Variants in ASCC3 observed in about 807,000 individuals in gnomAD.
ASCC3 encodes the protein ASC-1 complex subunit P200.
Under a neutral mutation model 256.3 loss-of-function variants are expected in ASCC3, and 158 were observed. The ratio of observed to expected loss-of-function variants is 0.62; its 90% CI spans 0.54 to 0.70. ASCC3 has a LOEUF of 0.70. ASCC3 is among the 30% of genes least tolerant of loss of function. The probability of loss-of-function intolerance (pLI) is 0.00; values close to 1 mark genes in which losing one functional copy is unlikely to be tolerated. For synonymous variants in ASCC3, 948 were observed against 883.4 expected (o/e 1.07, Z -1.30); for missense variants, 2,259 against 2,626.0 (o/e 0.86, Z 3.05).
chr6:100,535,310 CAG>C (rs920898622), intron 37 of ASCC3, among the ~76,000 whole-genome samples: 4 of 152,132 alleles, frequency 2.6e-5, no homozygotes, highest in African/African-American at 9.7e-5. Flanking sequence ...ATGAAAACAA[CAG>C]GGCACAGAAT....
intron 35 of ASCC3, 72 bp downstream of exon 35, chr6:100,589,876 G>C (rs1582511564): frequency 2.5e-6 from 4 of 1,590,988 alleles, no homozygotes; most frequent in Non-Finnish European, 2.6e-6. Flanking sequence ...AATTTTGATA[G>C]TATTAAAAGC....
chr6:100,795,968 T>C (rs1769591492), intron 8 of ASCC3, among the ~76,000 whole-genome samples: 1 of 152,194 alleles, frequency 6.6e-6, no homozygotes, highest in South Asian at 2.1e-4. Flanking sequence ...AAGCTTATGA[T>C]GTCTGGCAGG....
At chr6:100,787,820 T>TA in intron 8 of ASCC3, among the ~76,000 whole-genome samples, 1 of 152,160 alleles carries the variant, frequency 6.6e-6, no homozygotes, top group East Asian at 1.9e-4. Context: ...TCACCATATA[T>TA]AAAAACCAAT....
intron 16 of ASCC3, among the ~76,000 whole-genome samples, chr6:100,657,247 C>A (rs240122): frequency 6.6e-6 from 1 of 151,200 alleles, no homozygotes; most frequent in Non-Finnish European, 1.5e-5. Flanking sequence ...ATATTACAAA[C>A]GGCTAAGCCA....
In ASCC3 at chr6:100,767,165, T is replaced by C; in HGVS notation, c.1576A>G (p.Ile526Val). Residue 526 changes from isoleucine (I) to valine (V), a missense_variant, in exon 9 of 42, where the codon ATC (isoleucine) becomes GTC (valine). By Grantham distance (29) the Ile-to-Val change is conservative. This residue lies in a region of ASCC3 where 1,839 missense variants were observed against 2,206.7 expected (regional missense o/e 0.83). Transcript: ENST00000369162. ...EIRQHFQQGV[I>V]KKNEFKIVYV... Reference sequence around the variant, plus strand: ...CTTACCTTAAATTCATTCTTTTTGATAACACCTTGTTGAAAATGTTGGCGA... The same window carrying C: ...CTTACCTTAAATTCATTCTTTTTGACAACACCTTGTTGAAAATGTTGGCGA... The C allele has an allele frequency of 6.2e-7, 1 of 1,614,150 alleles. No homozygotes were observed.
At chr6:100,593,625 A>T (rs557027017) in intron 34 of ASCC3, among the ~76,000 whole-genome samples, 2 of 152,248 alleles carry the variant, frequency 1.3e-5, no homozygotes, top group South Asian at 4.1e-4. Flanking sequence ...CTGTTCAGAT[A>T]TCTTGCTGGG....
At chr6:100,805,083 A>G (rs1006446704) in intron 5 of ASCC3, among the ~76,000 whole-genome samples, 1 of 152,060 alleles carries the variant, frequency 6.6e-6, no homozygotes, top group African/African-American at 2.4e-5. Flanking sequence ...AAAAAGAAGA[A>G]ATTGTTCTGT....
chr6:100,805,723 T>G (rs1380784951), intron 5 of ASCC3, 37 bp downstream of exon 5: 1 of 1,601,352 alleles, frequency 6.2e-7, no homozygotes, highest in Non-Finnish European at 8.5e-7. Context: ...AATGAATATT[T>G]CCTTTAAATT....
Position 100,509,254 on chromosome 6 carries a change from C to T in ASCC3, c.*132G>A, listed in dbSNP as rs1773637685. The T allele has an allele frequency of 8.1e-7, 1 of 1,234,166 alleles. No individual in the cohort carries two copies. Among genetic ancestry groups the T allele is most frequent in the African/African-American group, 1.5e-5 (1 of 67,480 alleles). The allele number at this position is 1,234,166 out of a possible 1,614,324, so 76.5% of individuals were successfully genotyped here. ...GTCACTGGAGTCAATACTGCAGCCACTGTCAATTTCCTGGATGGTTGAGGT... is the reference window on the plus strand; with the variant it reads ...GTCACTGGAGTCAATACTGCAGCCATTGTCAATTTCCTGGATGGTTGAGGT... On this transcript the variant is annotated 3_prime_UTR_variant, in exon 42 of 42. Coordinates refer to ENST00000369162, the MANE Select transcript of ASCC3 (RefSeq NM_006828.4).
intron 25 of ASCC3, among the ~76,000 whole-genome samples, chr6:100,632,240 A>C (rs1449073816): frequency 6.6e-6 from 1 of 151,596 alleles, no homozygotes; most frequent in Non-Finnish European, 1.5e-5. Flanking sequence ...AGAAAGAATA[A>C]AGTACTTAGG....
intron 37 of ASCC3, among the ~76,000 whole-genome samples, chr6:100,523,429 TA>T (rs1424161807): frequency 2.0e-4 from 30 of 152,274 alleles, no homozygotes; most frequent in Non-Finnish European, 3.2e-4. Flanking sequence ...GGAAATAAGC[TA>T]TACAGAGAAA....
intron 37 of ASCC3, chr6:100,530,872 T>C (rs755578702): frequency 3.7e-5 from 48 of 1,289,214 alleles, no homozygotes; most frequent in Non-Finnish European, 5.2e-5. Flanking sequence ...TGGAATAAAT[T>C]TTTGTGGAAC....
chr6:100,840,220 C>A (rs1423303859), intron 4 of ASCC3, among the ~76,000 whole-genome samples: 1 of 152,242 alleles, frequency 6.6e-6, no homozygotes, highest in Middle Eastern at 3.4e-3. Context: ...ACATCTGATC[C>A]AAATAACTCT....
chr6:100,679,629 C>A lies in ASCC3; in HGVS notation c.2275G>T (p.Ala759Ser). 1 of 1,613,376 alleles carries A rather than the reference C, an allele frequency of 6.2e-7. No individual in the cohort carries two copies. The highest frequency in any genetic ancestry group is 1.1e-5 in the South Asian group (1 of 91,070). Reference protein sequence around the residue: ...FPTQGHDYVLAEKQVQRSRNK... With the variant: ...FPTQGHDYVLSEKQVQRSRNK... ...TCTTTGTTTCTTACCTGTTTTTCTG[C>A]AAGTACATAGTCATGTCCTTGGGTA... Residue 759 changes from alanine (A) to serine (S), a missense_variant, in exon 14 of 42, where the codon GCA becomes TCA. Transcript: ENST00000369162.
chr6:100,630,173 GCCA>G (rs771239238), intron 26 of ASCC3, among the ~76,000 whole-genome samples: 4 of 152,052 alleles, frequency 2.6e-5, no homozygotes, highest in Non-Finnish European at 5.9e-5. Context: ...ACAGGCATGA[GCCA>G]CCACGCCCAG....
chr6:100,867,240 A>G (rs1773524093), intron 2 of ASCC3, among the ~76,000 whole-genome samples: 1 of 152,184 alleles, frequency 6.6e-6, no homozygotes, highest in Admixed American at 6.5e-5. Flanking sequence ...AGCATTATTT[A>G]TTATAATATT....
intron 37 of ASCC3, among the ~76,000 whole-genome samples, chr6:100,523,070 T>G (rs1261356751): frequency 1.3e-5 from 2 of 150,302 alleles, no homozygotes; most frequent in Non-Finnish European, 3.0e-5. Flanking sequence ...TAAGTTTGGA[T>G]GAAGTATAAT....
chr6:100,656,999 TG>T (rs1775944966), intron 16 of ASCC3, among the ~76,000 whole-genome samples: 1 of 151,328 alleles, frequency 6.6e-6, no homozygotes, highest in South Asian at 2.1e-4. Context: ...AAAACCTTCA[TG>T]TTTAACTCCT....
intron 19 of ASCC3, among the ~76,000 whole-genome samples, chr6:100,651,289 A>C (rs1285954686): frequency 6.6e-6 from 1 of 151,916 alleles, no homozygotes; most frequent in East Asian, 1.9e-4. Context: ...ATATTGCAAT[A>C]AACCAAAATC....
Sources: allele counts gnomAD v4.1 joint callset (sites outside exome capture counted in the v4.1 genomes callset), GRCh38; gene constraint gnomAD v4.1.1; regional missense constraint gnomAD v4.1.1; transcripts MANE v1.5; gene names NCBI Gene and HGNC (gene_info 2026-07-23, HGNC 2026-07-21).